The following CABIN1 variants were observed in gnomAD, a reference collection of about 807,000 sequenced individuals.
The protein encoded by CABIN1 is calcineurin-binding protein cabin-1.
A neutral mutation model predicts 227.7 loss-of-function variants in CABIN1; 133 were observed. The observed-to-expected ratio is 0.58, with a 90% CI of 0.51 to 0.67. CABIN1 has a LOEUF of 0.67. CABIN1 is among the 30% of genes least tolerant of loss of function. CABIN1 has a pLI of 0.00. For missense variants in CABIN1, 2,408 were observed against 2,852.5 expected (o/e 0.84, Z 3.55); for synonymous variants, 1,086 against 1,155.1 (o/e 0.94, Z 1.21).
intron 29 of CABIN1, 103 bp from the exon 30 acceptor site, chr22:24,164,297 C>T: frequency 1.4e-6 from 2 of 1,441,190 alleles, no homozygotes; most frequent in Non-Finnish European, 1.9e-6. Context: ...TGGGCAGTGT[C>T]CCCTTTGGCA....
chr22:24,107,808 G>A (rs1274686290), intron 26 of CABIN1, among the ~76,000 whole-genome samples: 5 of 152,218 alleles, frequency 3.3e-5, no homozygotes, highest in African/African-American at 9.6e-5. Flanking sequence ...CGGTGAGCTC[G>A]TGGGGCAGCT....
chr22:24,134,418 G>A lies in CABIN1; in HGVS notation c.4746+3G>A. On this transcript the variant is annotated splice_donor_region_variant and intron_variant, in intron 29 of 36. Transcript: ENST00000263119. Reference sequence around the variant, plus strand: ...GGAACAAGACCAATTTCTTCAACGTGAGTACTTTGCCTTGTTGATTTCCAA... The same window carrying A: ...GGAACAAGACCAATTTCTTCAACGTAAGTACTTTGCCTTGTTGATTTCCAA... 6.2e-7 allele frequency: 1 copy of A among 1,609,250 alleles called. No homozygotes were observed. The highest frequency in any genetic ancestry group is 8.5e-7 in the Non-Finnish European group (1 of 1,175,604).
At chr22:24,110,371 T>C (rs986026993) in intron 26 of CABIN1, among the ~76,000 whole-genome samples, 2 of 152,234 alleles carry the variant, frequency 1.3e-5, no homozygotes, top group African/African-American at 4.8e-5. Context: ...CATTTCACTT[T>C]TACATATGCT....
chr22:24,018,268 T>G (rs1358159280), intron 1 of CABIN1, among the ~76,000 whole-genome samples: 1 of 152,076 alleles, frequency 6.6e-6, no homozygotes, highest in Non-Finnish European at 1.5e-5. Flanking sequence ...TTTTCTGAGT[T>G]TTTAAATTTT....
At chr22:24,133,114 C>T (rs1015999819) in intron 28 of CABIN1, among the ~76,000 whole-genome samples, 8 of 152,172 alleles carry the variant, frequency 5.3e-5, no homozygotes, top group Admixed American at 2.6e-4. Flanking sequence ...GGCAGGGGGT[C>T]CCTCAGCAGA....
At chr22:24,121,619 T>C (rs2043416234) in intron 28 of CABIN1, among the ~76,000 whole-genome samples, 1 of 152,256 alleles carries the variant, frequency 6.6e-6, no homozygotes, top group African/African-American at 2.4e-5. Context: ...TCCTCACTGC[T>C]GAAGCCGTCT....
intron 35 of CABIN1, among the ~76,000 whole-genome samples, chr22:24,176,761 G>A (rs1047858223): frequency 1.1e-4 from 16 of 152,214 alleles, no homozygotes; most frequent in African/African-American, 3.6e-4. Flanking sequence ...GCCTCAGTCC[G>A]GCCTGTTCCC....
chr22:24,013,706 G>GT (rs1479844654), intron 1 of CABIN1, among the ~76,000 whole-genome samples: 2 of 152,122 alleles, frequency 1.3e-5, no homozygotes, highest in Non-Finnish European at 2.9e-5. Flanking sequence ...TTAAGGTTGT[G>GT]TTTTCATTCC....
chr22:24,122,103 A>G (rs1414355596), intron 28 of CABIN1, among the ~76,000 whole-genome samples: 2 of 118,090 alleles, frequency 1.7e-5, no homozygotes, highest in Non-Finnish European at 3.2e-5. Flanking sequence ...TTGAATTTGA[A>G]GGAGCCAGTG....
chr22:24,101,116 C>T (rs1486734932), intron 26 of CABIN1, among the ~76,000 whole-genome samples: 1 of 152,168 alleles, frequency 6.6e-6, no homozygotes, highest in Non-Finnish European at 1.5e-5. Flanking sequence ...TTTCCTACCC[C>T]CACAGAACAA....
intron 26 of CABIN1, among the ~76,000 whole-genome samples, chr22:24,105,305 G>C (rs1010154057): frequency 6.6e-6 from 1 of 152,182 alleles, no homozygotes; most frequent in Non-Finnish European, 1.5e-5. Context: ...GCTGGCAGAC[G>C]CACATCCCCC....
At chr22:24,083,667 G>A (rs1470281750) in intron 20 of CABIN1, among the ~76,000 whole-genome samples, 1 of 152,176 alleles carries the variant, frequency 6.6e-6, no homozygotes, top group Non-Finnish European at 1.5e-5. Flanking sequence ...GAGGGTGAGG[G>A]TAGGAGGGTT....
At chr22:24,134,510 G>A in intron 29 of CABIN1, 95 bp downstream of exon 29, 1 of 1,033,586 alleles carries the variant, frequency 9.7e-7, no homozygotes, top group Non-Finnish European at 1.5e-6. Context: ...GTGTTCCCAG[G>A]GCCTCAAGTT....
intron 28 of CABIN1, among the ~76,000 whole-genome samples, chr22:24,128,556 T>TATA (rs2043876420): frequency 6.6e-6 from 1 of 152,132 alleles, no homozygotes; most frequent in Non-Finnish European, 1.5e-5. Flanking sequence ...CTCCTCTTCC[T>TATA]CTGGCCTATA....
intron 27 of CABIN1, among the ~76,000 whole-genome samples, chr22:24,118,604 G>A (rs1001399538): frequency 6.6e-6 from 1 of 152,180 alleles, no homozygotes; most frequent in African/African-American, 2.4e-5. Flanking sequence ...CAGACCACAG[G>A]ACCCCTTGCC....
At chr22:24,090,444 C>T (rs140083784) in intron 23 of CABIN1, among the ~76,000 whole-genome samples, 3 of 152,062 alleles carry the variant, frequency 2.0e-5, no homozygotes, top group Non-Finnish European at 2.9e-5. Context: ...TGGTTGGTCC[C>T]GTGTTTGACC....
intron 29 of CABIN1, among the ~76,000 whole-genome samples, chr22:24,136,725 TCACACACACACACGCACACACACACA>T (rs1233298869): frequency 1.4e-5 from 2 of 143,416 alleles, no homozygotes; most frequent in African/African-American, 5.4e-5. Flanking sequence ...AAACAATACA[TCACACACACACACGCACACACACACA>T]CACACACACA....
chr22:24,146,505 G>C (rs1272876598), intron 29 of CABIN1, among the ~76,000 whole-genome samples: 2 of 152,134 alleles, frequency 1.3e-5, no homozygotes, highest in African/African-American at 4.8e-5. Flanking sequence ...GAGAGGGGGT[G>C]CTTCCTGCCT....
chr22:24,105,339 C>T (rs955518821), intron 26 of CABIN1, among the ~76,000 whole-genome samples: 4 of 152,138 alleles, frequency 2.6e-5, no homozygotes, highest in South Asian at 2.1e-4. Context: ...GGAAGGCTGG[C>T]GTGGCCCAGA....
Sources: gnomAD v4.1 joint callset for allele counts (sites outside exome capture counted in the v4.1 genomes callset) on GRCh38, gnomAD v4.1.1 for gene constraint, MANE v1.5 for transcripts, NCBI Gene and HGNC (gene_info 2026-07-23, HGNC 2026-07-21) for gene names.